The following PAK3 variants were observed in gnomAD, a reference collection of about 807,000 sequenced individuals.
PAK3 encodes the protein serine/threonine-protein kinase PAK 3.
A neutral mutation model predicts 41.0 loss-of-function variants in PAK3; 4 were observed. That is an observed-to-expected ratio of 0.10 (90% confidence interval 0.05 to 0.22). The LOEUF (loss-of-function observed/expected upper bound fraction) is 0.22. Ranked by LOEUF, PAK3 falls within the 10% of genes least tolerant of loss-of-function variation. The pLI is 1.00. For synonymous variants in PAK3, 146 were observed against 139.6 expected, an observed-to-expected ratio of 1.05 and a Z score of -0.32; for missense variants, 205 against 409.9, an observed-to-expected ratio of 0.50 and a Z score of 4.32.
intron 1 of PAK3, among the ~76,000 whole-genome samples, chrX:110,951,555 C>T (rs1335498800): frequency 8.9e-6 from 1 of 112,044 alleles, no homozygotes; most frequent in African/African-American, 3.2e-5. Context: ...TTTCCCCCTC[C>T]TCCTGACGTC....
intron 1 of PAK3, among the ~76,000 whole-genome samples, chrX:110,945,994 C>T (rs2090611420): frequency 9.0e-6 from 1 of 111,649 alleles, no homozygotes; most frequent in South Asian, 3.8e-4. Context: ...AAAACATCAT[C>T]TCAGCTCACA....
chrX:111,202,990 A>T (rs943272939), intron 16 of PAK3, among the ~76,000 whole-genome samples: 11 of 111,906 alleles, frequency 9.8e-5, no homozygotes, highest in African/African-American at 3.6e-4. Flanking sequence ...TAGTATGTGA[A>T]CCACAGATCC....
intron 13 of PAK3, among the ~76,000 whole-genome samples, chrX:111,193,568 T>G (rs919688325): frequency 2.7e-5 from 3 of 109,741 alleles, no homozygotes; most frequent in Non-Finnish European, 5.7e-5. Context: ...CAGGCTGGTC[T>G]CAAACTCCTG....
intron 1 of PAK3, among the ~76,000 whole-genome samples, chrX:110,995,669 C>A (rs748831971): frequency 9.0e-6 from 1 of 111,305 alleles, no homozygotes; most frequent in African/African-American, 3.3e-5. Flanking sequence ...CCATGGCTCC[C>A]ATTGCATGTA....
chrX:111,170,476 C>A (rs145968372), intron 10 of PAK3, among the ~76,000 whole-genome samples: 182 of 110,454 alleles, frequency 1.6e-3, no homozygotes, highest in Middle Eastern at 9.2e-3. Context: ...GTATACTAGC[C>A]CAGAGAATAG....
chrX:111,064,817 G>A (rs1294247168), intron 1 of PAK3, among the ~76,000 whole-genome samples: 1 of 112,218 alleles, frequency 8.9e-6, no homozygotes, highest in Non-Finnish European at 1.9e-5. Flanking sequence ...ACCCAGTAAT[G>A]GGAGTGCTGG....
chrX:111,051,436 C>A (rs376590963), intron 1 of PAK3, among the ~76,000 whole-genome samples: 3 of 112,066 alleles, frequency 2.7e-5, no homozygotes, highest in African/African-American at 9.7e-5. Flanking sequence ...TAAGCCAAAA[C>A]CCCACAGAGA....
chrX:111,022,575 C>T (rs1738332355), intron 1 of PAK3, among the ~76,000 whole-genome samples: 1 of 111,168 alleles, frequency 9.0e-6, no homozygotes, highest in East Asian at 2.8e-4. Context: ...AATAGAACCT[C>T]CTTAAAGCAT....
At chrX:111,103,917 C>T (rs997412856) in intron 4 of PAK3, among the ~76,000 whole-genome samples, 1 of 111,751 alleles carries the variant, frequency 8.9e-6, no homozygotes, top group Non-Finnish European at 1.9e-5. Flanking sequence ...GCACTTGCTG[C>T]CCTACTGCCT....
chrX:111,043,364 C>T (rs1255126738), intron 1 of PAK3, among the ~76,000 whole-genome samples: 1 of 111,282 alleles, frequency 9.0e-6, no homozygotes, highest in Non-Finnish European at 1.9e-5. Context: ...TTTTACCCTG[C>T]TCATGGATAA....
chrX:110,993,948 G>C (rs1327558559), intron 1 of PAK3, among the ~76,000 whole-genome samples: 5 of 111,746 alleles, frequency 4.5e-5, no homozygotes, highest in African/African-American at 1.3e-4. Context: ...TATAGAGACT[G>C]TTACATGACC....
intron 1 of PAK3, among the ~76,000 whole-genome samples, chrX:111,060,137 TG>T (rs1214174885): frequency 5.4e-5 from 6 of 111,891 alleles, no homozygotes; most frequent in African/African-American, 1.9e-4. Flanking sequence ...TTTTTTATCA[TG>T]GAGGAATGTT....
chrX:110,998,281 C>G (rs2091778565), intron 1 of PAK3, among the ~76,000 whole-genome samples: 1 of 111,712 alleles, frequency 9.0e-6, no homozygotes, highest in South Asian at 3.8e-4. Context: ...GCAAAGGAGA[C>G]TGGAAAGAAG....
At chrX:111,089,626 G>A (rs747201683) in intron 1 of PAK3, among the ~76,000 whole-genome samples, 12 of 110,630 alleles carry the variant, frequency 1.1e-4, no homozygotes, top group Admixed American at 1.9e-4. Context: ...GTAGGCAGAG[G>A]GAAGATCAGG....
intron 13 of PAK3, among the ~76,000 whole-genome samples, chrX:111,193,512 G>A (rs1432752728): frequency 1.8e-5 from 2 of 110,113 alleles, no homozygotes; most frequent in African/African-American, 3.3e-5. Flanking sequence ...ACCATGCCCA[G>A]CTAATTTTTC....
intron 4 of PAK3, among the ~76,000 whole-genome samples, chrX:111,120,489 A>G (rs764324725): frequency 8.9e-6 from 1 of 111,965 alleles, no homozygotes; most frequent in South Asian, 3.8e-4. Flanking sequence ...ATCAAGAACA[A>G]AGGAGCATAG....
intron 1 of PAK3, among the ~76,000 whole-genome samples, chrX:110,947,639 GCT>G (rs1309986269): frequency 1.8e-5 from 2 of 111,827 alleles, no homozygotes; most frequent in East Asian, 5.6e-4. Flanking sequence ...TCTTTACTAG[GCT>G]AATGAATATT....
At chrX:110,955,266 A>G (rs978758861) in intron 1 of PAK3, among the ~76,000 whole-genome samples, 2 of 112,056 alleles carry the variant, frequency 1.8e-5, no homozygotes, top group Admixed American at 9.4e-5. Flanking sequence ...ACTGTAGTAT[A>G]GGGCATTGAG....
In PAK3 at chrX:111,221,394, C is replaced by G. The variant is rs1273697895; in HGVS notation, c.*947C>G. ...CCTCATAGGAGAAACCACATTTAAA[C>G]AAAGATGGGACTTTCTCTGAGAGCC... is the stretch of plus-strand genomic sequence containing the variant. On this transcript the variant is annotated 3_prime_UTR_variant, in exon 18 of 18. Coordinates refer to ENST00000372007, the MANE Select transcript of PAK3 (RefSeq NM_002578.5). The G allele has an allele frequency of 8.9e-6, 1 of 111,836 alleles. No individual in the cohort carries two copies. The highest frequency in any genetic ancestry group is 3.7e-4 in the South Asian group (1 of 2,704). 9.2% of individuals were successfully genotyped at this position (111,836 alleles called of 1,213,427 possible). A position where few individuals can be genotyped will look rare whatever the true frequency, so the allele number is the denominator to read the frequency against.
Sources: allele counts gnomAD v4.1 joint callset (sites outside exome capture counted in the v4.1 genomes callset), GRCh38; gene constraint gnomAD v4.1.1; transcripts MANE v1.5; gene names NCBI Gene and HGNC (gene_info 2026-07-23, HGNC 2026-07-21).